Variants in EMC4 observed in about 807,000 individuals in gnomAD.
EMC4 encodes ER membrane protein complex subunit 4.
In EMC4, 9 loss-of-function variants were observed where a neutral mutation model predicts 24.2. The observed-to-expected ratio is 0.37, with a 90% CI of 0.22 to 0.65. The LOEUF is 0.65. EMC4 is among the 30% of genes least tolerant of loss of function. The pLI, the probability that EMC4 is intolerant of heterozygous loss-of-function variation, is 0.59. For synonymous variants in EMC4, 86 were observed against 81.1 expected (o/e 1.06, Z -0.32); for missense variants, 169 against 234.6 (o/e 0.72, Z 1.83).
chr15:34,225,456 T>A (rs1176688063), intron 1 of EMC4, 80 bp from the exon 2 acceptor site: 2 of 1,112,524 alleles, frequency 1.8e-6, no homozygotes, highest in Non-Finnish European at 1.4e-6. Flanking sequence ...AGATCTTTAT[T>A]CCTATGATTG....
intron 3 of EMC4, 91 bp from the exon 4 acceptor site, chr15:34,228,338 G>C: frequency 7.4e-7 from 1 of 1,359,590 alleles, no homozygotes. Context: ...TCTTACTATG[G>C]GTCTGTCTAT....
intron 1 of EMC4, 100 bp downstream of exon 1, chr15:34,225,300 G>A: frequency 1.8e-6 from 2 of 1,088,020 alleles, no homozygotes; most frequent in South Asian, 1.6e-5. Context: ...AAGATGGGTG[G>A]CACACAGACA....
At chr15:34,228,192 G>A (rs57494441) in intron 3 of EMC4, 91,477 of 514,572 alleles carry the variant, frequency 0.18, 8,615 homozygotes, top group Middle Eastern at 0.27. Context: ...CAAAAAAAAG[G>A]AAGAATTAAA....
chr15:34,227,975 G>T, intron 3 of EMC4, 129 bp downstream of exon 3: 2 of 964,078 alleles, frequency 2.1e-6, no homozygotes, highest in Non-Finnish European at 3.1e-6. Context: ...CTGAGGGCAG[G>T]AGTTCGAGAC....
Position 34,228,919 on chromosome 15 carries a change from C to T in EMC4, c.516+330C>T, listed in dbSNP as rs544454788. On this transcript the variant is annotated intron_variant, in intron 4 of 4. Transcript: ENST00000267750. Reference sequence around the variant, plus strand: ...GCCAGGCTGGTTTTGAACTCCTGACCTCAAGTGACCTGCCCACCTCTGCCT... The same window carrying T: ...GCCAGGCTGGTTTTGAACTCCTGACTTCAAGTGACCTGCCCACCTCTGCCT... 246 of 194,944 alleles carry T rather than the reference C, an allele frequency of 1.3e-3. 9 individuals carry two copies. In the South Asian group the frequency reaches 0.014, roughly 11 times the overall value. The allele number at this position is 194,944 out of a possible 1,614,324, so 12.1% of individuals were successfully genotyped here.
intron 2 of EMC4, chr15:34,226,949 A>T (rs1890664815): frequency 6.6e-6 from 1 of 152,224 alleles, no homozygotes; most frequent in South Asian, 2.1e-4. Context: ...GTGTCCCACG[A>T]GTTTTAAAAT....
Position 34,227,692 on chromosome 15 carries a change from G to C in EMC4, c.202-1G>C, listed in dbSNP as rs1172678172. The stretch of plus-strand genomic sequence containing the variant: ...GGTTAAAATTGTGTGTTTTGTTTTA[G>C]CGCTGCTGGGACATCGCCTTGGGTC... On this transcript the variant is annotated splice_acceptor_variant, in intron 2 of 4. Coordinates refer to ENST00000267750, the MANE Select transcript of EMC4 (RefSeq NM_016454.4). LOFTEE classifies it high-confidence loss of function. The C allele has an allele frequency of 6.2e-7, 1 of 1,613,172 alleles. No individual in the cohort carries two copies. Among genetic ancestry groups the C allele is most frequent in the Non-Finnish European group, 8.5e-7 (1 of 1,179,330 alleles).
intron 4 of EMC4, chr15:34,229,011 C>A: frequency 5.6e-6 from 1 of 177,398 alleles, no homozygotes; most frequent in Non-Finnish European, 1.1e-5. Flanking sequence ...AAAATAAGAG[C>A]CATTAGGAGT....
chr15:34,227,591 A>T, intron 2 of EMC4, 102 bp from the exon 3 acceptor site: 1 of 1,278,916 alleles, frequency 7.8e-7, no homozygotes, highest in South Asian at 1.3e-5. Context: ...AGTTAGAAGC[A>T]GGGAGTTGGG....
intron 2 of EMC4, 103 bp downstream of exon 2, chr15:34,225,753 G>T (rs1334212666): frequency 1.1e-6 from 1 of 932,082 alleles, no homozygotes; most frequent in Non-Finnish European, 1.8e-6. Context: ...TTATCCTGAA[G>T]ATTTGGAAAC....
rs1396829516 is a variant in EMC4, at chr15:34,225,667, G to A, written c.201+17G>A. 5 of 1,594,226 alleles carry A rather than the reference G, an allele frequency of 3.1e-6. No homozygotes were observed. The highest frequency in any genetic ancestry group is 1.7e-5 in the Admixed American group (1 of 59,962). Reference sequence around the variant, plus strand: ...GTGGAGAAGGTACAGAGGTATAGATGTTACCGTAGCCCATGGGCCAGTCCT... The same window carrying A: ...GTGGAGAAGGTACAGAGGTATAGATATTACCGTAGCCCATGGGCCAGTCCT... On this transcript the variant is annotated intron_variant, in intron 2 of 4. Transcript: ENST00000267750.
chr15:34,225,124 C>T lies in EMC4; in HGVS notation c.10C>T (p.Gln4Ter). MTA[Q>*]GGLVANRGRR... ...GGACGCAGCTGTTGCCATGACGGCC[C>T]AGGGGGGCCTGGTGGCTAACCGAGG... is the stretch of plus-strand genomic sequence containing the variant. The change falls in exon 1 of 5, where the codon CAG becomes TAG. Residue 4 changes from glutamine to a stop codon, truncating the protein, a stop_gained. Coordinates refer to ENST00000267750, the MANE Select transcript of EMC4 (RefSeq NM_016454.4). LOFTEE classifies it high-confidence loss of function. 1 of 1,551,690 alleles carries T rather than the reference C, an allele frequency of 6.4e-7. No homozygotes were observed. Among genetic ancestry groups the T allele is most frequent in the Non-Finnish European group, 8.7e-7 (1 of 1,146,974 alleles).
At position 34,228,550 on chromosome 15, in the gene EMC4, A is replaced by G. The variant is rs1890717973; in HGVS notation, c.477A>G (p.Thr159=). The G allele has an allele frequency of 6.2e-7, 1 of 1,613,938 alleles. No individual in the cohort carries two copies. The highest frequency in any genetic ancestry group is 1.1e-5 in the South Asian group (1 of 91,016). The part of the protein sequence containing the change: ...YKCQSMGLLP[T]HASDWLAFIE... Reference sequence around the variant, plus strand: ...GCCAGTCCATGGGACTGTTACCTACACATGCATCGGATTGGTTAGCCTTCA... The same window carrying G: ...GCCAGTCCATGGGACTGTTACCTACGCATGCATCGGATTGGTTAGCCTTCA... The change falls in exon 4 of 5, where the codon ACA becomes ACG. Residue 159 remains threonine (T), a synonymous_variant. Transcript: ENST00000267750.
chr15:34,228,869 G>A (rs979239531), intron 4 of EMC4: 2 of 243,552 alleles, frequency 8.2e-6, no homozygotes, highest in Non-Finnish European at 1.6e-5. Flanking sequence ...GTATCTTTTA[G>A]TAGAGATGGG....
At chr15:34,225,264 C>A in intron 1 of EMC4, 64 bp downstream of exon 1, 1 of 1,348,862 alleles carries the variant, frequency 7.4e-7, no homozygotes. Flanking sequence ...GTAATGAGAC[C>A]TGAGCCCTCA....
intron 3 of EMC4, 28 bp from the exon 4 acceptor site, chr15:34,228,401 G>A (rs1353236633): frequency 6.2e-7 from 1 of 1,610,694 alleles, no homozygotes; most frequent in South Asian, 1.1e-5. Context: ...GAGTTCTTTT[G>A]GTTTGACAAC....
At chr15:34,227,040 T>C (rs1386187306) in intron 2 of EMC4, 2 of 152,220 alleles carry the variant, frequency 1.3e-5, no homozygotes, top group Non-Finnish European at 2.9e-5. Flanking sequence ...ACATAAGAGA[T>C]TTTCTAGTTA....
chr15:34,225,376 T>C (rs1237474596), intron 1 of EMC4, 160 bp from the exon 2 acceptor site: 1 of 787,504 alleles, frequency 1.3e-6, no homozygotes, highest in Non-Finnish European at 2.1e-6. Context: ...CTTACATCAG[T>C]CCTCCTGATA....
chr15:34,229,682 G>A (rs191099054), intron 4 of EMC4, 71 bp from the exon 5 acceptor site: 511 of 867,526 alleles, frequency 5.9e-4, no homozygotes, highest in Non-Finnish European at 8.0e-4. Context: ...AAAGTATTAA[G>A]TAATTGATTC....
Sources: allele counts gnomAD v4.1 joint callset, GRCh38; gene constraint gnomAD v4.1.1; transcripts MANE v1.5; gene names NCBI Gene and HGNC (gene_info 2026-07-23, HGNC 2026-07-21).